PHKB: variants seen among roughly 807,000 people sequenced by gnomAD.
The protein encoded by PHKB is phosphorylase b kinase regulatory subunit beta.
Under a neutral mutation model 152.1 loss-of-function variants are expected in PHKB, and 122 were observed. The ratio of observed to expected loss-of-function variants is 0.80; its 90% CI spans 0.69 to 0.93. The LOEUF (loss-of-function observed/expected upper bound fraction) is 0.93, where lower values mean the gene tolerates loss of function less well. Ranked by LOEUF, PHKB falls within the 40% of genes least tolerant of loss-of-function variation. The pLI, the probability that PHKB is intolerant of heterozygous loss-of-function variation, is 0.00. For synonymous variants in PHKB, 436 were observed against 464.9 expected, an observed-to-expected ratio of 0.94 and a Z score of 0.80; for missense variants, 1,304 against 1,328.4, an observed-to-expected ratio of 0.98 and a Z score of 0.29.
intron 7 of PHKB, among the ~76,000 whole-genome samples, chr16:47,559,438 C>G (rs1971438772): frequency 6.6e-6 from 1 of 152,150 alleles, no homozygotes; most frequent in Non-Finnish European, 1.5e-5. Context: ...TTATTATTGT[C>G]TTACATTATT....
chr16:47,523,850 A>G (rs1176582056), intron 6 of PHKB, among the ~76,000 whole-genome samples: 2 of 152,206 alleles, frequency 1.3e-5, no homozygotes, highest in African/African-American at 4.8e-5. Flanking sequence ...GCCTGTGTTC[A>G]AGGAGCTGTC....
intron 6 of PHKB, among the ~76,000 whole-genome samples, chr16:47,519,231 A>G (rs964567737): frequency 6.6e-6 from 1 of 152,178 alleles, no homozygotes; most frequent in Non-Finnish European, 1.5e-5. Context: ...GCTCTTTTCA[A>G]GTATGTCATG....
intron 29 of PHKB, among the ~76,000 whole-genome samples, chr16:47,697,613 T>G (rs1974170522): frequency 6.6e-6 from 1 of 152,204 alleles, no homozygotes; most frequent in South Asian, 2.1e-4. Flanking sequence ...CTTTGGTTCT[T>G]TCAGGTTCTG....
intron 12 of PHKB, among the ~76,000 whole-genome samples, chr16:47,595,770 G>T (rs1395020847): frequency 1.3e-5 from 2 of 152,146 alleles, no homozygotes; most frequent in African/African-American, 4.8e-5. Context: ...GGGAGATTAT[G>T]TACTCATTGT....
chr16:47,511,922 C>T, intron 5 of PHKB, 150 bp downstream of exon 5: 2 of 659,874 alleles, frequency 3.0e-6, no homozygotes, highest in Non-Finnish European at 5.5e-6. Flanking sequence ...GAAACCGTTC[C>T]ATCTCATATC....
intron 29 of PHKB, among the ~76,000 whole-genome samples, chr16:47,698,023 T>A (rs1365346490): frequency 6.6e-6 from 1 of 152,178 alleles, no homozygotes; most frequent in Non-Finnish European, 1.5e-5. Flanking sequence ...GTCCAGAGTC[T>A]CCATTGAACC....
chr16:47,669,498 A>AT, intron 26 of PHKB, 81 bp downstream of exon 26: 1 of 1,234,198 alleles, frequency 8.1e-7, no homozygotes, highest in East Asian at 2.3e-5. Flanking sequence ...AAGTGAAGCA[A>AT]TGTTCCTGGT....
At chr16:47,606,313 T>C (rs1357221319) in intron 13 of PHKB, among the ~76,000 whole-genome samples, 7 of 152,190 alleles carry the variant, frequency 4.6e-5, no homozygotes, top group African/African-American at 1.7e-4. Context: ...TTTATAACCA[T>C]TGGTTCCTTG....
chr16:47,596,086 G>A (rs1031695132), intron 12 of PHKB, among the ~76,000 whole-genome samples: 2 of 152,100 alleles, frequency 1.3e-5, no homozygotes, highest in Non-Finnish European at 2.9e-5. Flanking sequence ...TGAATCATGG[G>A]GGGCGGTTTC....
intron 25 of PHKB, among the ~76,000 whole-genome samples, chr16:47,666,544 G>A (rs557677040): frequency 4.6e-5 from 7 of 152,286 alleles, no homozygotes; most frequent in Non-Finnish European, 8.8e-5. Flanking sequence ...TCCTCCTCAC[G>A]GAGCCATCTC....
In PHKB at chr16:47,558,613, G is replaced by A. The variant is rs576778961; in HGVS notation, c.710+11065G>A. Among the ~76,000 whole-genome samples, 14 of 152,260 alleles carry A rather than the reference G, an allele frequency of 9.2e-5. No individual in the cohort carries two copies. The East Asian group carries it at 2.3e-3, about 25-fold the overall frequency. On this transcript the variant is annotated intron_variant, in intron 7 of 30. Coordinates refer to ENST00000323584, the MANE Select transcript of PHKB (RefSeq NM_000293.3). ...TGCTCTGGCTGGAGTGCAGTGGTGC[G>A]ATCTTGGCTCACTGCAACCTCTGCT...
chr16:47,492,694 A>G (rs1970170702), intron 1 of PHKB, among the ~76,000 whole-genome samples: 1 of 152,190 alleles, frequency 6.6e-6, no homozygotes, highest in Non-Finnish European at 1.5e-5. Flanking sequence ...GGAAAATGCC[A>G]TGGAGACTGA....
chr16:47,628,110 T>G (rs868652710), intron 14 of PHKB, among the ~76,000 whole-genome samples: 1 of 152,336 alleles, frequency 6.6e-6, no homozygotes, highest in Middle Eastern at 3.4e-3. Flanking sequence ...AAGACCAGCC[T>G]GGAGGATGCA....
At chr16:47,582,869 T>C (rs1464677711) in intron 8 of PHKB, among the ~76,000 whole-genome samples, 4 of 152,246 alleles carry the variant, frequency 2.6e-5, no homozygotes, top group Non-Finnish European at 2.9e-5. Flanking sequence ...CGATCTCGGC[T>C]CACTGCAATC....
At chr16:47,643,591 G>A (rs934423939) in intron 16 of PHKB, among the ~76,000 whole-genome samples, 1 of 152,202 alleles carries the variant, frequency 6.6e-6, no homozygotes, top group African/African-American at 2.4e-5. Context: ...GGTTGTAGCT[G>A]TAGCCTCTGT....
Position 47,684,003 on chromosome 16 carries a change from T to C in PHKB, c.2631-5038T>C, listed in dbSNP as rs376653121. On this transcript the variant is annotated intron_variant, in intron 26 of 30. Coordinates refer to ENST00000323584, the MANE Select transcript of PHKB (RefSeq NM_000293.3). ...TAAAAAAAATTATTTTTTCCAAGGA[T>C]CAGTTCTATTCTGTATGGCTTTTTT... Among the ~76,000 whole-genome samples the C allele has an allele frequency of 6.6e-5, 10 of 151,960 alleles. No individual in the cohort carries two copies. The East Asian group carries it at 1.7e-3, about 26-fold the overall frequency.
At chr16:47,648,248 T>C (rs1973169808) in intron 16 of PHKB, among the ~76,000 whole-genome samples, 1 of 152,198 alleles carries the variant, frequency 6.6e-6, no homozygotes, top group African/African-American at 2.4e-5. Flanking sequence ...CTGTGTTCTT[T>C]TACGATCAGA....
intron 7 of PHKB, among the ~76,000 whole-genome samples, chr16:47,579,052 A>C (rs1971797766): frequency 6.6e-6 from 1 of 152,078 alleles, no homozygotes; most frequent in Admixed American, 6.5e-5. Context: ...TGTCGTTCAT[A>C]GAGTCCTGAA....
intron 9 of PHKB, among the ~76,000 whole-genome samples, chr16:47,588,365 A>G (rs1472561878): frequency 6.6e-6 from 1 of 151,298 alleles, no homozygotes; most frequent in East Asian, 1.9e-4. Context: ...CCACTACTCT[A>G]ATACAATCTT....
Sources: allele counts gnomAD v4.1 joint callset (sites outside exome capture counted in the v4.1 genomes callset), GRCh38; gene constraint gnomAD v4.1.1; transcripts MANE v1.5; gene names NCBI Gene and HGNC (gene_info 2026-07-23, HGNC 2026-07-21).